The following PRELID2 variants were observed in gnomAD, a reference collection of about 807,000 sequenced individuals.
PRELID2 encodes PRELI domain containing 2, also known as PRELI domain-containing protein 2.
In PRELID2, 25 loss-of-function variants were observed where a neutral mutation model predicts 28.4. The ratio of observed to expected loss-of-function variants is 0.88; its 90% CI spans 0.64 to 1.23. PRELID2 has a LOEUF of 1.23. PRELID2 is among the 50% of genes most tolerant of loss of function. The pLI is 0.00. For missense variants in PRELID2, 201 were observed against 214.4 expected, an observed-to-expected ratio of 0.94 and a Z score of 0.39; for synonymous variants, 76 against 71.6, an observed-to-expected ratio of 1.06 and a Z score of -0.31.
intron 2 of PRELID2, among the ~76,000 whole-genome samples, chr5:145,822,510 C>A (rs780726519): frequency 6.6e-6 from 1 of 152,124 alleles, no homozygotes; most frequent in Non-Finnish European, 1.5e-5. Flanking sequence ...TTGTCAACTC[C>A]TGATTTAGTC....
At chr5:145,666,900 G>C (rs1754606405) in intron 1 of PRELID2, among the ~76,000 whole-genome samples, 1 of 151,972 alleles carries the variant, frequency 6.6e-6, no homozygotes, top group Non-Finnish European at 1.5e-5. Context: ...CAGAACTGAT[G>C]CAATCATTAG....
chr5:145,592,406 C>G (rs936167818), intron 1 of PRELID2, among the ~76,000 whole-genome samples: 1 of 151,142 alleles, frequency 6.6e-6, no homozygotes, highest in Non-Finnish European at 1.5e-5. Flanking sequence ...GGCAACAGAG[C>G]GAGACTCTGT....
chr5:145,231,620 G>A, the PRELID2 span, among the ~76,000 whole-genome samples: 1 of 152,192 alleles, frequency 6.6e-6, no homozygotes, highest in Non-Finnish European at 1.5e-5. Context: ...TGAGTCTGAA[G>A]TGCTTCACAG....
chr5:145,398,961 T>C, the PRELID2 span, among the ~76,000 whole-genome samples: 1 of 152,110 alleles, frequency 6.6e-6, no homozygotes, highest in East Asian at 1.9e-4. Context: ...AATTATGGAA[T>C]CTTTGAGTGA....
chr5:145,312,428 G>C, the PRELID2 span, among the ~76,000 whole-genome samples: 1 of 152,124 alleles, frequency 6.6e-6, no homozygotes. Flanking sequence ...TCACCATGCT[G>C]TACAGTCAAT....
In PRELID2 at chr5:145,647,203, G is replaced by A. The variant is rs535854703; in HGVS notation, n.70+117728C>T. Among the ~76,000 whole-genome samples the A allele has an allele frequency of 1.2e-4, 18 of 152,242 alleles. No homozygotes were observed. In the South Asian group the frequency reaches 3.7e-3, roughly 32 times the overall value. The stretch of plus-strand genomic sequence containing the variant: ...GACTGGGGCTGCTGCCTTTTTTTCA[G>A]AGATGCCCTGCCCAGAGAGAAATCT... On this transcript the variant is annotated intron_variant and non_coding_transcript_variant, in intron 1 of 2. Transcript: ENST00000510259.
Position 145,759,887 on chromosome 5 carries a change from T to C in PRELID2, c.*649A>G, listed in dbSNP as rs941304134. 7.0e-6 allele frequency: 1 copy of C among 143,788 alleles called. No homozygotes were observed. Among genetic ancestry groups the C allele is most frequent in the South Asian group, 2.2e-4 (1 of 4,478 alleles). The allele number at this position is 143,788 out of a possible 1,614,324, so 8.9% of individuals were successfully genotyped here. A position where few individuals can be genotyped will look rare whatever the true frequency, so the allele number is the denominator to read the frequency against. On this transcript the variant is annotated 3_prime_UTR_variant, in exon 7 of 7. Coordinates refer to ENST00000683046, the MANE Select transcript of PRELID2 (RefSeq NM_205846.3). ...CCACTCTTCATTTCATTTTTTTTTT[T>C]CCAGAGGACCAAATCACAGTTTACA...
intron 1 of PRELID2, among the ~76,000 whole-genome samples, chr5:145,525,741 A>C (rs964351003): frequency 3.3e-5 from 5 of 152,250 alleles, no homozygotes; most frequent in Non-Finnish European, 7.3e-5. Flanking sequence ...TGTTTTTCAA[A>C]AAAACACACA....
intron 1 of PRELID2, among the ~76,000 whole-genome samples, chr5:145,722,581 C>T (rs1756020623): frequency 1.3e-5 from 2 of 152,268 alleles, no homozygotes; most frequent in African/African-American, 4.8e-5. Flanking sequence ...TCACTGCAGC[C>T]TCCACCTCCT....
Position 145,764,929 on chromosome 5 carries a change from A to G in PRELID2, c.*10+2T>C. On this transcript the variant is annotated splice_donor_variant, in intron 6 of 6. Transcript: ENST00000683046. LOFTEE classifies it low-confidence loss of function (3UTR_SPLICE). Reference sequence around the variant, plus strand: ...AATTCTGACTTTGCTTTTGGTACTCACTGATGATTCTTTATTCAGCTAAGG... The same window carrying G: ...AATTCTGACTTTGCTTTTGGTACTCGCTGATGATTCTTTATTCAGCTAAGG... 6.2e-7 allele frequency: 1 copy of G among 1,607,162 alleles called. No homozygotes were observed. The highest frequency in any genetic ancestry group is 8.5e-7 in the Non-Finnish European group (1 of 1,174,034).
the PRELID2 span, among the ~76,000 whole-genome samples, chr5:145,457,047 C>T: frequency 6.6e-6 from 1 of 152,084 alleles, no homozygotes; most frequent in South Asian, 2.1e-4. Flanking sequence ...ATGTGATATA[C>T]TTTATTTTTA....
chr5:145,277,963 C>A, the PRELID2 span, among the ~76,000 whole-genome samples: 320 of 152,276 alleles, frequency 2.1e-3, 10 homozygotes, highest in East Asian at 0.054. Context: ...CCATCTGAGT[C>A]TGCTTCCGGG....
chr5:145,664,718 C>T (rs1754555807), intron 1 of PRELID2, among the ~76,000 whole-genome samples: 2 of 152,124 alleles, frequency 1.3e-5, no homozygotes, highest in South Asian at 4.1e-4. Context: ...TCTGGCAAAA[C>T]CACTTTGACA....
At chr5:145,489,140 C>G (rs1352137400) in intron 1 of PRELID2, among the ~76,000 whole-genome samples, 1 of 152,146 alleles carries the variant, frequency 6.6e-6, no homozygotes, top group Non-Finnish European at 1.5e-5. Context: ...TCTTCCAATT[C>G]CCAAGCCTGG....
At chr5:145,411,920 C>A in the PRELID2 span, among the ~76,000 whole-genome samples, 1 of 152,178 alleles carries the variant, frequency 6.6e-6, no homozygotes, top group African/African-American at 2.4e-5. Flanking sequence ...GGCTTTGCAC[C>A]CTCTGAAGCA....
chr5:145,645,204 T>C (rs995381583), intron 1 of PRELID2, among the ~76,000 whole-genome samples: 4 of 152,170 alleles, frequency 2.6e-5, no homozygotes, highest in Admixed American at 2.6e-4. Context: ...TGCACCTCTA[T>C]TGGGTGCATA....
intron 1 of PRELID2, among the ~76,000 whole-genome samples, chr5:145,497,044 TA>T (rs1752315662): frequency 6.6e-6 from 1 of 151,528 alleles, no homozygotes; most frequent in Non-Finnish European, 1.5e-5. Context: ...TTTTAATTTT[TA>T]TACATACAGG....
At chr5:145,379,936 T>G in the PRELID2 span, among the ~76,000 whole-genome samples, 1 of 152,132 alleles carries the variant, frequency 6.6e-6, no homozygotes, top group Non-Finnish European at 1.5e-5. Context: ...AGACCAGCCA[T>G]GTCTGATGGG....
intron 1 of PRELID2, among the ~76,000 whole-genome samples, chr5:145,701,974 C>T (rs1401638395): frequency 2.6e-5 from 4 of 151,952 alleles, no homozygotes; most frequent in Non-Finnish European, 5.9e-5. Flanking sequence ...ATGCTTAAAC[C>T]TGGGAGGTGG....
Sources: gnomAD v4.1 joint callset for allele counts (sites outside exome capture counted in the v4.1 genomes callset) on GRCh38, gnomAD v4.1.1 for gene constraint, MANE v1.5 for transcripts, NCBI Gene and HGNC (gene_info 2026-07-23, HGNC 2026-07-21) for gene names.